MAGI1: variants seen among roughly 807,000 people sequenced by gnomAD.
MAGI1 encodes membrane associated guanylate kinase, WW and PDZ domain containing 1.
A neutral mutation model predicts 139.9 loss-of-function variants in MAGI1; 58 were observed. That is an observed-to-expected ratio of 0.41 (90% CI 0.34 to 0.52). The LOEUF (loss-of-function observed/expected upper bound fraction) is 0.52, where lower values mean the gene tolerates loss of function less well. Ranked by LOEUF, MAGI1 falls within the 20% of genes least tolerant of loss-of-function variation. MAGI1 has a pLI of 0.12. For missense variants in MAGI1, 1,874 were observed against 1,901.6 expected (o/e 0.99, Z 0.27); for synonymous variants, 812 against 737.9 (o/e 1.10, Z -1.63).
rs1432763176 is a variant in MAGI1, at chr3:65,391,342, T to G, written c.2216A>C (p.Lys739Thr). The G allele has an allele frequency of 6.2e-7, 1 of 1,614,156 alleles. No homozygotes were observed. Among genetic ancestry groups the G allele is most frequent in the South Asian group, 1.1e-5 (1 of 91,074 alleles). Residue 739 changes from lysine to threonine, a missense_variant, in exon 14 of 23, where the codon AAA becomes ACA. Lys to Thr is a moderately conservative substitution (Grantham distance 78). Coordinates refer to ENST00000402939, the MANE Select transcript of MAGI1 (RefSeq NM_001033057.2). ...GTGCTGAGAACTATTCTGGCTGTCTTTCCTTTCCAGTGGTTGCTGAAAGTA... is the reference window on the plus strand; with the variant it reads ...GTGCTGAGAACTATTCTGGCTGTCTGTCCTTTCCAGTGGTTGCTGAAAGTA... The part of the protein sequence containing the change: ...KSPKSQPLER[K>T]DSQNSSQHSV...
At chr3:65,920,577 A>C (rs552846557) in intron 1 of MAGI1, among the ~76,000 whole-genome samples, 11 of 152,208 alleles carry the variant, frequency 7.2e-5, no homozygotes, top group Non-Finnish European at 1.3e-4. Flanking sequence ...TATTTTTAAA[A>C]CAATATAGTA....
chr3:65,810,384 C>A (rs534955751), intron 1 of MAGI1, among the ~76,000 whole-genome samples: 10 of 152,334 alleles, frequency 6.6e-5, no homozygotes, highest in African/African-American at 2.4e-4. Context: ...TGCCTCTACC[C>A]AGAAAAGTAA....
rs542682451 is a variant in MAGI1 at position 65,575,015 on chromosome 3, A to G, written c.430+46957T>C. Among the ~76,000 whole-genome samples, 7 of 152,214 alleles carry G rather than the reference A, an allele frequency of 4.6e-5. No homozygotes were observed. In the South Asian group the frequency reaches 1.4e-3, roughly 32 times the overall value. On this transcript the variant is annotated intron_variant, in intron 2 of 22. Coordinates refer to ENST00000402939, the MANE Select transcript of MAGI1 (RefSeq NM_001033057.2). ...GTGACTTTAGGTTAAGTAAAAACAG[A>G]TATCACACCAAAACCACAATCTATT...
At position 65,511,314 on chromosome 3, in the gene MAGI1, T is replaced by G. The variant is rs1040575140; in HGVS notation, c.431-17683A>C. On this transcript the variant is annotated intron_variant, in intron 2 of 22. Transcript: ENST00000402939. ...AATTCACACATAACAATATTAACTTTAAATGTAAATGGACTAAATTCTCCA... is the reference window on the plus strand; with the variant it reads ...AATTCACACATAACAATATTAACTTGAAATGTAAATGGACTAAATTCTCCA... 1.9e-4 allele frequency among the ~76,000 whole-genome samples: 29 copies of G among 148,938 alleles called. 1 individual carries two copies. In the South Asian group the frequency reaches 3.7e-3, roughly 19 times the overall value.
At chr3:65,879,746 G>C (rs997631807) in intron 1 of MAGI1, among the ~76,000 whole-genome samples, 9 of 152,276 alleles carry the variant, frequency 5.9e-5, no homozygotes, top group East Asian at 1.9e-4. Flanking sequence ...ATCATTTCAT[G>C]ATGGTTATTA....
At chr3:65,617,704 T>C (rs956017076) in intron 2 of MAGI1, among the ~76,000 whole-genome samples, 10 of 152,194 alleles carry the variant, frequency 6.6e-5, no homozygotes, top group Non-Finnish European at 1.3e-4. Flanking sequence ...ACCTTCCTTA[T>C]ATTCTGAAAG....
At chr3:65,458,271 G>C (rs992816375) in intron 5 of MAGI1, among the ~76,000 whole-genome samples, 1 of 151,914 alleles carries the variant, frequency 6.6e-6, no homozygotes, top group Admixed American at 6.6e-5. Flanking sequence ...GGGAGTGCAG[G>C]TATCTCTTCA....
chr3:65,586,516 C>T (rs1051174582), intron 2 of MAGI1, among the ~76,000 whole-genome samples: 6 of 151,860 alleles, frequency 4.0e-5, no homozygotes, highest in Non-Finnish European at 8.8e-5. Flanking sequence ...GCACTGCATA[C>T]CAAAAAGAGT....
intron 1 of MAGI1, among the ~76,000 whole-genome samples, chr3:66,026,946 TTTC>T (rs1344448533): frequency 5.3e-5 from 8 of 152,056 alleles, no homozygotes; most frequent in Non-Finnish European, 8.8e-5. Context: ...TTCTTTCTTT[TTTC>T]TTTTTTTTTT....
At chr3:65,803,517 T>A (rs2108145775) in intron 1 of MAGI1, among the ~76,000 whole-genome samples, 1 of 152,310 alleles carries the variant, frequency 6.6e-6, no homozygotes, top group South Asian at 2.1e-4. Context: ...CAATCCATCA[T>A]TTGAGCATGT....
rs1180962724 is a variant in MAGI1 at position 65,778,451 on chromosome 3, A to AAAAAAAAAAAAAG, written c.314-156364_314-156363insCTTTTTTTTTTTT. ...GTCTCAAAAAAAAAAAAAATAAATA[A>AAAAAAAAAAAAAG]ATAAGTCTTTTGAGAAATGCAGGAA... On this transcript the variant is annotated intron_variant, in intron 1 of 22. Transcript: ENST00000402939. 1.5e-3 allele frequency among the ~76,000 whole-genome samples: 91 copies of AAAAAAAAAAAAAG among 61,346 alleles called. 6 individuals are homozygous for AAAAAAAAAAAAAG. The highest frequency in any genetic ancestry group is 4.4e-3 in the East Asian group (6 of 1,374). 40.2% of individuals were successfully genotyped at this position (61,346 alleles called of 152,430 possible).
intron 16 of MAGI1, among the ~76,000 whole-genome samples, chr3:65,381,388 G>A (rs1014224501): frequency 2.0e-5 from 3 of 151,534 alleles, no homozygotes; most frequent in African/African-American, 4.9e-5. Flanking sequence ...AGCTGACCTA[G>A]AACTGGCCAG....
chr3:65,386,605 C>T (rs1045503238), intron 14 of MAGI1, among the ~76,000 whole-genome samples: 4 of 152,180 alleles, frequency 2.6e-5, no homozygotes, highest in African/African-American at 7.2e-5. Flanking sequence ...TTCTAAACTA[C>T]TTCCCCCAAA....
At chr3:65,713,096 T>G (rs1012244084) in intron 1 of MAGI1, among the ~76,000 whole-genome samples, 1 of 152,168 alleles carries the variant, frequency 6.6e-6, no homozygotes, top group Non-Finnish European at 1.5e-5. Context: ...AGAGAGAGAA[T>G]AGCTTTCCAG....
chr3:65,619,846 G>A, intron 2 of MAGI1: 4 of 984,404 alleles, frequency 4.1e-6, no homozygotes, highest in Non-Finnish European at 4.8e-6. Flanking sequence ...AAAATGAATT[G>A]TTACCTGTTT....
rs889265092 is a variant in MAGI1, at chr3:66,024,535, G to A, written c.313+13461C>T. Among the ~76,000 whole-genome samples, 6 of 152,170 alleles carry A rather than the reference G, an allele frequency of 3.9e-5. No homozygotes were observed. The East Asian group carries it at 5.8e-4, about 15-fold the overall frequency. ...TACTACTCAGTATCCAGCCGGGCGC[G>A]GTGGCTCACGCCTGTAATCCCAGCA... On this transcript the variant is annotated intron_variant, in intron 1 of 22. Transcript: ENST00000402939.
intron 13 of MAGI1, among the ~76,000 whole-genome samples, chr3:65,395,927 C>T (rs1944360878): frequency 6.6e-6 from 1 of 151,906 alleles, no homozygotes; most frequent in African/African-American, 2.4e-5. Context: ...TGCGGAGAGG[C>T]CAGTCAGGAA....
chr3:65,436,498 T>C (rs1214186998), intron 10 of MAGI1, among the ~76,000 whole-genome samples: 1 of 152,112 alleles, frequency 6.6e-6, no homozygotes, highest in Non-Finnish European at 1.5e-5. Flanking sequence ...ACAAGACCTA[T>C]TGAAACGTTG....
chr3:65,654,613 A>G (rs2085763716), intron 1 of MAGI1, among the ~76,000 whole-genome samples: 1 of 152,178 alleles, frequency 6.6e-6, no homozygotes, highest in South Asian at 2.1e-4. Flanking sequence ...CTAGTGACAT[A>G]TGAGTAATGA....
Sources: gnomAD v4.1 joint callset for allele counts (sites outside exome capture counted in the v4.1 genomes callset) on GRCh38, gnomAD v4.1.1 for gene constraint, MANE v1.5 for transcripts, NCBI Gene and HGNC (gene_info 2026-07-23, HGNC 2026-07-21) for gene names.